The following PCDH15 variants were observed in gnomAD, a reference collection of about 807,000 sequenced individuals.
The protein encoded by PCDH15 is protocadherin related 15.
PCDH15 carries 129 observed loss-of-function variants against 178.5 expected under a neutral mutation model. The observed-to-expected ratio is 0.72, with a 90% CI of 0.63 to 0.84. The LOEUF is 0.84. PCDH15 is among the 40% of genes least tolerant of loss of function. The probability of loss-of-function intolerance (pLI) is 0.00; values close to 1 mark genes in which losing one functional copy is unlikely to be tolerated. For missense variants in PCDH15, 2,230 were observed against 2,099.9 expected, an observed-to-expected ratio of 1.06 and a Z score of -1.21; for synonymous variants, 800 against 732.0, an observed-to-expected ratio of 1.09 and a Z score of -1.50.
intron 2 of PCDH15, among the ~76,000 whole-genome samples, chr10:55,508,637 T>C (rs1400920574): frequency 6.6e-6 from 1 of 151,780 alleles, no homozygotes; most frequent in Non-Finnish European, 1.5e-5. Flanking sequence ...AAAGTTGACA[T>C]AGAATTTCCA....
chr10:55,583,877 A>G (rs2132123578), intron 2 of PCDH15, among the ~76,000 whole-genome samples: 1 of 152,102 alleles, frequency 6.6e-6, no homozygotes, highest in East Asian at 1.9e-4. Flanking sequence ...TTATATATAT[A>G]CAATTTTTTT....
chr10:53,954,633 A>G (rs1589604526), intron 23 of PCDH15, among the ~76,000 whole-genome samples: 2 of 152,184 alleles, frequency 1.3e-5, no homozygotes, highest in Admixed American at 6.5e-5. Context: ...AAAACTGGAG[A>G]AAGTAATTCA....
intron 20 of PCDH15, among the ~76,000 whole-genome samples, chr10:54,004,556 TA>T (rs1278811562): frequency 7.2e-5 from 11 of 152,078 alleles, no homozygotes; most frequent in African/African-American, 2.7e-4. Flanking sequence ...TAATCCCATG[TA>T]AAACAGCTAC....
intron 1 of PCDH15, among the ~76,000 whole-genome samples, chr10:54,756,089 A>ACACACACACACACACACACACACT (rs143374986): frequency 3.3e-4 from 49 of 148,336 alleles, no homozygotes; most frequent in Admixed American, 1.6e-3. Flanking sequence ...ACACACACAC[A>ACACACACACACACACACACACACT]CACACACAAA....
chr10:53,808,304 T>C, intron 37 of PCDH15: 4 of 469,638 alleles, frequency 8.5e-6, no homozygotes, highest in Non-Finnish European at 1.1e-5. Context: ...TGAAAGATGA[T>C]ATAAAAACAT....
intron 2 of PCDH15, among the ~76,000 whole-genome samples, chr10:55,364,209 C>T (rs892029149): frequency 1.3e-5 from 2 of 152,114 alleles, no homozygotes; most frequent in African/African-American, 4.8e-5. Context: ...TTCCTGAGGC[C>T]TCCCCAGCCA....
intron 3 of PCDH15, among the ~76,000 whole-genome samples, chr10:54,449,508 A>G (rs1024174983): frequency 1.3e-5 from 2 of 151,820 alleles, no homozygotes; most frequent in African/African-American, 4.8e-5. Context: ...TTCATAAGGA[A>G]AAATGGATGG....
chr10:55,258,271 T>C (rs1030459874), intron 1 of PCDH15, among the ~76,000 whole-genome samples: 1 of 152,144 alleles, frequency 6.6e-6, no homozygotes, highest in Admixed American at 6.5e-5. Context: ...TATTAATTAG[T>C]TTTTGAATGA....
At chr10:53,823,113 G>T in intron 32 of PCDH15, 1 of 1,613,918 alleles carries the variant, frequency 6.2e-7, no homozygotes, top group South Asian at 1.1e-5. Flanking sequence ...GTCTGAATTT[G>T]TTGATACTTG....
intron 3 of PCDH15, among the ~76,000 whole-genome samples, chr10:54,894,867 C>T (rs2131819531): frequency 6.6e-6 from 1 of 152,260 alleles, no homozygotes; most frequent in South Asian, 2.1e-4. Flanking sequence ...CTTACCAGCA[C>T]TGATTAAAAG....
At chr10:53,887,947 G>A (rs2081217628) in intron 26 of PCDH15, among the ~76,000 whole-genome samples, 1 of 151,380 alleles carries the variant, frequency 6.6e-6, no homozygotes, top group South Asian at 2.1e-4. Flanking sequence ...CTAAAACATA[G>A]GTAATAAAAG....
At position 53,840,485 on chromosome 10, in the gene PCDH15, C is replaced by A. The variant is rs1435590369; in HGVS notation, c.3818G>T (p.Arg1273Leu). 1.2e-6 allele frequency: 2 copies of A among 1,613,644 alleles called. No individual in the cohort carries two copies. The highest frequency in any genetic ancestry group is 1.7e-6 in the Non-Finnish European group (2 of 1,179,688). Residue 1273 changes from arginine to leucine, a missense_variant, in exon 29 of 38, where the codon CGC (arginine) becomes CTC (leucine). Coordinates refer to ENST00000644397, the MANE Select transcript of PCDH15 (RefSeq NM_001384140.1). ...KIEDLTEILD[R>L]YVQEQIPGAK... ...ACCAGGAATTTGTTCCTGAACATAGCGATCCAAGATCCTATAAATCAAACA... is the reference window on the plus strand; with the variant it reads ...ACCAGGAATTTGTTCCTGAACATAGAGATCCAAGATCCTATAAATCAAACA...
chr10:54,439,757 G>A (rs73255921), intron 3 of PCDH15, among the ~76,000 whole-genome samples: 3,872 of 152,058 alleles, frequency 0.025, 169 homozygotes, highest in African/African-American at 0.088. Context: ...CACTGAGATT[G>A]ACTCTAGATT....
At chr10:54,720,085 C>T (rs533198486) in intron 1 of PCDH15, among the ~76,000 whole-genome samples, 2 of 152,066 alleles carry the variant, frequency 1.3e-5, no homozygotes, top group South Asian at 4.2e-4. Flanking sequence ...AAAGCTTTTA[C>T]ACTCTTGGTG....
In PCDH15 at chr10:53,827,525, G is replaced by C. The variant is rs1196202310; in HGVS notation, c.4235C>G (p.Thr1412Ser). The C allele has an allele frequency of 1.2e-6, 2 of 1,614,150 alleles. No individual in the cohort carries two copies. Among genetic ancestry groups the C allele is most frequent in the East Asian group, 2.2e-5 (1 of 44,870 alleles). The change falls in exon 32 of 38, where the codon ACT becomes AGT. Residue 1412 changes from threonine to serine, a missense_variant. Coordinates refer to ENST00000644397, the MANE Select transcript of PCDH15 (RefSeq NM_001384140.1). Reference protein sequence around the residue: ...FKVRQAECTKTARIQAALPAA... With the variant: ...FKVRQAECTKSARIQAALPAA... ...GGGTAATGCGGCCTGAATTCGTGCA[G>C]TCTTTGTACACTCAGCTTGACGTCT... is the stretch of plus-strand genomic sequence containing the variant.
At chr10:54,607,996 G>C (rs1445434649) in intron 2 of PCDH15, 2 of 474,552 alleles carry the variant, frequency 4.2e-6, no homozygotes, top group Non-Finnish European at 8.2e-6. Context: ...ACATCATTTT[G>C]GTTATTGTGA....
At chr10:54,396,507 C>T (rs1031038585) in intron 3 of PCDH15, among the ~76,000 whole-genome samples, 1 of 152,098 alleles carries the variant, frequency 6.6e-6, no homozygotes, top group Non-Finnish European at 1.5e-5. Context: ...TATTCCTCTT[C>T]CAAATAGCTA....
intron 28 of PCDH15, among the ~76,000 whole-genome samples, chr10:53,852,170 T>C (rs1564612382): frequency 6.6e-6 from 1 of 152,114 alleles, no homozygotes; most frequent in Non-Finnish European, 1.5e-5. Context: ...AGTTATAAAA[T>C]GCAAACATTT....
At chr10:53,854,454 CT>C (rs2078594993) in intron 28 of PCDH15, among the ~76,000 whole-genome samples, 1 of 151,984 alleles carries the variant, frequency 6.6e-6, no homozygotes, top group Admixed American at 6.6e-5. Context: ...GTATGTGCTG[CT>C]TAATAAACTC....
Sources: gnomAD v4.1 joint callset for allele counts (sites outside exome capture counted in the v4.1 genomes callset) on GRCh38, gnomAD v4.1.1 for gene constraint, MANE v1.5 for transcripts, NCBI Gene and HGNC (gene_info 2026-07-23, HGNC 2026-07-21) for gene names.